Variants in CPNE1 observed in about 807,000 individuals in gnomAD.
CPNE1 encodes the protein copine 1.
A neutral mutation model predicts 63.2 loss-of-function variants in CPNE1; 58 were observed. That is an observed-to-expected ratio of 0.92 (90% CI 0.74 to 1.14). The LOEUF is 1.14. Among genes scored for constraint, CPNE1 ranks in the 50% most tolerant of loss-of-function variants. CPNE1 has a pLI of 0.00. For synonymous variants in CPNE1, 237 were observed against 249.0 expected, an observed-to-expected ratio of 0.95 and a Z score of 0.45; for missense variants, 672 against 661.7, an observed-to-expected ratio of 1.02 and a Z score of -0.17.
intron 1 of CPNE1, among the ~76,000 whole-genome samples, chr20:35,646,302 T>C: frequency 7.0e-6 from 1 of 142,746 alleles, no homozygotes; most frequent in Non-Finnish European, 1.5e-5. Flanking sequence ...TATTTAACCC[T>C]CTTAAATCCT....
At chr20:35,643,277 G>A (rs1027419550) in intron 1 of CPNE1, 8 of 155,804 alleles carry the variant, frequency 5.1e-5, no homozygotes, top group African/African-American at 1.7e-4. Flanking sequence ...CTGCATGCTC[G>A]ATTGAAGACG....
intron 15 of CPNE1, 29 bp downstream of exon 15, chr20:35,626,538 A>T: frequency 6.2e-7 from 1 of 1,607,408 alleles, no homozygotes; most frequent in Non-Finnish European, 8.5e-7. Context: ...GAAAGGGTAA[A>T]CTCCCAGATC....
At position 35,630,505 on chromosome 20, in the gene CPNE1, G is replaced by A. The variant is rs973227037; in HGVS notation, c.1051-15C>T. The A allele has an allele frequency of 1.9e-6, 3 of 1,613,616 alleles. No homozygotes were observed. The African/African-American group carries it at 4.0e-5, about 22-fold the overall frequency. ...TCATGCGAGACCTGGAGACAAGAATGAAAATGAGGTTCTTTCCCCATGACC... is the reference window on the plus strand; with the variant it reads ...TCATGCGAGACCTGGAGACAAGAATAAAAATGAGGTTCTTTCCCCATGACC... On this transcript the variant is annotated splice_polypyrimidine_tract_variant and intron_variant, in intron 12 of 15. Transcript: ENST00000397443.
At chr20:35,659,328 C>A (rs2034101799) in intron 1 of CPNE1, among the ~76,000 whole-genome samples, 1 of 152,156 alleles carries the variant, frequency 6.6e-6, no homozygotes, top group African/African-American at 2.4e-5. Flanking sequence ...TTGCTTTGAT[C>A]ACTTTATAAT....
chr20:35,649,770 T>C (rs551881535), intron 1 of CPNE1: 1 of 151,596 alleles, frequency 6.6e-6, no homozygotes, highest in Admixed American at 6.6e-5. Flanking sequence ...AAAAAAAAAA[T>C]CAGAAGGGAG....
chr20:35,642,957 T>A (rs1465307538), intron 1 of CPNE1, among the ~76,000 whole-genome samples: 1 of 152,052 alleles, frequency 6.6e-6, no homozygotes, highest in Non-Finnish European at 1.5e-5. Flanking sequence ...CTGTACTGGG[T>A]GAAGGTCAAA....
intron 1 of CPNE1, among the ~76,000 whole-genome samples, chr20:35,633,874 G>T (rs1384181491): frequency 6.7e-6 from 1 of 148,862 alleles, no homozygotes; most frequent in East Asian, 2.0e-4. Context: ...CAGGAGAATT[G>T]CTTGAACCCA....
At chr20:35,645,543 G>C (rs2033052598) in intron 1 of CPNE1, among the ~76,000 whole-genome samples, 1 of 152,208 alleles carries the variant, frequency 6.6e-6, no homozygotes, top group African/African-American at 2.4e-5. Flanking sequence ...CAAAGTATAA[G>C]TGCTGGGTGC....
intron 1 of CPNE1, chr20:35,654,872 A>G (rs1241229995): frequency 6.2e-7 from 1 of 1,614,048 alleles, no homozygotes; most frequent in African/African-American, 1.3e-5. Flanking sequence ...CTGGCTGTGG[A>G]AAATGTCTGT....
In CPNE1 at chr20:35,631,787, G is replaced by A; in HGVS notation, c.538-10C>T. The stretch of plus-strand genomic sequence containing the variant: ...GGTTGTTCTTGATGACCTGAAGGTG[G>A]AGGCCAAGGCCTCCAGTGAGCTCTG... On this transcript the variant is annotated splice_polypyrimidine_tract_variant and intron_variant, in intron 6 of 15. Transcript: ENST00000397443. 1 of 1,612,088 alleles carries A rather than the reference G, an allele frequency of 6.2e-7. No individual in the cohort carries two copies. The highest frequency in any genetic ancestry group is 1.1e-5 in the South Asian group (1 of 91,024).
At chr20:35,653,663 T>C (rs1208654659) in intron 1 of CPNE1, 4 of 1,614,226 alleles carry the variant, frequency 2.5e-6, no homozygotes, top group Non-Finnish European at 3.4e-6. Flanking sequence ...TTTGTAATGC[T>C]GAATGGAATA....
At chr20:35,634,351 A>G (rs2032361361) in intron 1 of CPNE1, among the ~76,000 whole-genome samples, 1 of 151,246 alleles carries the variant, frequency 6.6e-6, no homozygotes, top group African/African-American at 2.4e-5. Flanking sequence ...AAAAACTCCA[A>G]ACTTGGCCAG....
chr20:35,636,125 C>G (rs1381814206), intron 1 of CPNE1, among the ~76,000 whole-genome samples: 1 of 152,228 alleles, frequency 6.6e-6, no homozygotes, highest in African/African-American at 2.4e-5. Context: ...CAGCTGAAAT[C>G]TGGAGAAACA....
rs934378424 is a variant in CPNE1 at position 35,632,872 on chromosome 20, T to C, written c.52A>G (p.Ile18Val). The change falls in exon 2 of 16, where the codon ATT becomes GTT. Residue 18 changes from isoleucine (I) to valine (V), a missense_variant. Coordinates refer to ENST00000397443, the MANE Select transcript of CPNE1 (RefSeq NM_152925.3). The stretch of plus-strand genomic sequence containing the variant: ...GACTTGGAGCCGATGTCCTTGTCAA[T>C]GAGATGGTCACAGGAAATGGACAGC... Reference protein sequence around the residue: ...VQLSISCDHLIDKDIGSKSDP... With the variant: ...VQLSISCDHLVDKDIGSKSDP... 3 of 872,772 alleles carry C rather than the reference T, an allele frequency of 3.4e-6. No homozygotes were observed. The highest frequency in any genetic ancestry group is 4.8e-5 in the East Asian group (2 of 41,714). 54.1% of individuals were successfully genotyped at this position (872,772 alleles called of 1,614,324 possible). A position where few individuals can be genotyped will look rare whatever the true frequency, so the allele number is the denominator to read the frequency against.
At chr20:35,649,802 T>C (rs1301733477) in intron 1 of CPNE1, 2 of 151,788 alleles carry the variant, frequency 1.3e-5, no homozygotes, top group Non-Finnish European at 2.9e-5. Flanking sequence ...TTAAATCTAA[T>C]GGAAAATATT....
intron 13 of CPNE1, among the ~76,000 whole-genome samples, chr20:35,628,986 AC>A (rs2146278444): frequency 6.6e-6 from 1 of 152,366 alleles, no homozygotes; most frequent in Admixed American, 6.5e-5. Flanking sequence ...TCTCCAACAC[AC>A]GTATACATGT....
chr20:35,632,664 T>A lies in CPNE1; in HGVS notation c.162A>T (p.Ser54=). The A allele has an allele frequency of 7.7e-7, 1 of 1,292,872 alleles. No individual in the cohort carries two copies. Among genetic ancestry groups the A allele is most frequent in the Non-Finnish European group, 1.1e-6 (1 of 886,618 alleles). 80.1% of individuals were successfully genotyped at this position (1,292,872 alleles called of 1,614,324 possible). A position where few individuals can be genotyped will look rare whatever the true frequency, so the allele number is the denominator to read the frequency against. Residue 54 remains serine, a synonymous_variant, in exon 3 of 16, where the codon TCA becomes TCT. Transcript: ENST00000397443. ...GTAGAGTCTTGGAGAACTCAGGGCT[T>A]GAGCAGTTCCGCACCCGTTCAGTCC... ...LGRTERVRNC[S]SPEFSKTLQL...
intron 1 of CPNE1, chr20:35,653,599 T>A: frequency 6.2e-7 from 1 of 1,614,210 alleles, no homozygotes; most frequent in South Asian, 1.1e-5. Context: ...AACAAGAACA[T>A]GTACAGCATT....
chr20:35,633,649 G>A lies in CPNE1; in HGVS notation c.1-726C>T, dbSNP rs571492980. Among the ~76,000 whole-genome samples, 11 of 152,264 alleles carry A rather than the reference G, an allele frequency of 7.2e-5. No individual in the cohort carries two copies. In the East Asian group the frequency reaches 1.2e-3, roughly 16 times the overall value. On this transcript the variant is annotated intron_variant, in intron 1 of 15. Coordinates refer to ENST00000397443, the MANE Select transcript of CPNE1 (RefSeq NM_152925.3). ...CTATTCTAAATACAGCAATCAGGGCGATCCTATTAAAACATAAGTGAGGCC... is the reference window on the plus strand; with the variant it reads ...CTATTCTAAATACAGCAATCAGGGCAATCCTATTAAAACATAAGTGAGGCC...
Sources: gnomAD v4.1 joint callset for allele counts (sites outside exome capture counted in the v4.1 genomes callset) on GRCh38, gnomAD v4.1.1 for gene constraint, MANE v1.5 for transcripts, NCBI Gene and HGNC (gene_info 2026-07-23, HGNC 2026-07-21) for gene names.